Variants in PPP2R1B observed in about 807,000 individuals in gnomAD.
PPP2R1B encodes serine/threonine-protein phosphatase 2A 65 kDa regulatory subunit A beta isoform.
PPP2R1B carries 58 observed loss-of-function variants against 72.7 expected under a neutral mutation model. The ratio of observed to expected loss-of-function variants is 0.80; its 90% confidence interval spans 0.65 to 0.99. PPP2R1B has a LOEUF of 0.99. Among genes scored for constraint, PPP2R1B ranks in the 50% least tolerant of loss-of-function variants. The probability of loss-of-function intolerance (pLI) is 0.00; values close to 1 mark genes in which losing one functional copy is unlikely to be tolerated. For missense variants in PPP2R1B, 695 were observed against 733.6 expected, an observed-to-expected ratio of 0.95 and a Z score of 0.61; for synonymous variants, 256 against 264.6, an observed-to-expected ratio of 0.97 and a Z score of 0.32.
the PPP2R1B span, among the ~76,000 whole-genome samples, chr11:111,712,035 G>A: frequency 1.3e-5 from 2 of 152,226 alleles, no homozygotes; most frequent in Non-Finnish European, 2.9e-5. Context: ...TGCTGAGTCT[G>A]CTTCAGATCA....
At chr11:111,720,057 C>T in the PPP2R1B span, 1 of 1,532,980 alleles carries the variant, frequency 6.5e-7, no homozygotes, top group Non-Finnish European at 8.9e-7. Context: ...TGTCATACTC[C>T]AATTGCCAAC....
the PPP2R1B span, among the ~76,000 whole-genome samples, chr11:111,696,981 A>C: frequency 2.0e-5 from 3 of 152,224 alleles, no homozygotes; most frequent in Admixed American, 1.3e-4. Flanking sequence ...TGAAGAAATT[A>C]AAAGGCTCTT....
At chr11:111,725,959 G>GGAA (rs1277596832), downstream of PPP2R1B, 1 of 152,188 alleles carries the variant, frequency 6.6e-6, no homozygotes, top group East Asian at 1.9e-4. Flanking sequence ...TGAAAATCCA[G>GGAA]GAAGAATGAA....
At chr11:111,743,923 G>A (rs915283659) in intron 11 of PPP2R1B, among the ~76,000 whole-genome samples, 1 of 152,240 alleles carries the variant, frequency 6.6e-6, no homozygotes, top group Admixed American at 6.5e-5. Context: ...AGTAAAGGCT[G>A]TGAGGGTTGT....
intron 15 of PPP2R1B, chr11:111,730,129 G>C (rs891866795): frequency 1.3e-5 from 2 of 152,234 alleles, no homozygotes; most frequent in African/African-American, 4.8e-5. Context: ...AGTAATAACA[G>C]ACTTTGACTT....
the PPP2R1B span, among the ~76,000 whole-genome samples, chr11:111,706,095 G>A: frequency 2.1e-3 from 321 of 152,288 alleles, 1 homozygote; most frequent in African/African-American, 7.5e-3. Flanking sequence ...GTTTCTTAAG[G>A]TCTTTTTGTG....
At chr11:111,732,140 T>C (rs1944212513) in intron 15 of PPP2R1B, among the ~76,000 whole-genome samples, 1 of 152,190 alleles carries the variant, frequency 6.6e-6, no homozygotes, top group South Asian at 2.1e-4. Context: ...AAGTTCTCCA[T>C]CAAGACGCAG....
At chr11:111,753,990 C>A (rs543787946) in intron 8 of PPP2R1B, among the ~76,000 whole-genome samples, 3 of 152,026 alleles carry the variant, frequency 2.0e-5, no homozygotes, top group African/African-American at 7.2e-5. Flanking sequence ...GATCATAGCT[C>A]ACTGCCATCT....
At chr11:111,709,604 C>T in the PPP2R1B span, among the ~76,000 whole-genome samples, 1 of 152,192 alleles carries the variant, frequency 6.6e-6, no homozygotes, top group Non-Finnish European at 1.5e-5. Context: ...ATAATATCTG[C>T]TTCCTTGGGA....
At chr11:111,711,372 C>T in the PPP2R1B span, among the ~76,000 whole-genome samples, 20 of 152,264 alleles carry the variant, frequency 1.3e-4, no homozygotes, top group South Asian at 4.1e-4. Flanking sequence ...CCGCCTGCCT[C>T]GGCCTCCCAA....
At chr11:111,731,107 C>T (rs898922959) in intron 15 of PPP2R1B, among the ~76,000 whole-genome samples, 3 of 152,276 alleles carry the variant, frequency 2.0e-5, no homozygotes, top group Non-Finnish European at 4.4e-5. Context: ...GCAGCCTGCA[C>T]AAGGACAGGG....
Position 111,741,558 on chromosome 11 carries a change from CAAG to C in PPP2R1B, c.*35_*37del. 6.2e-7 allele frequency: 1 copy of C among 1,606,952 alleles called. No homozygotes were observed. The highest frequency in any genetic ancestry group is 8.5e-7 in the Non-Finnish European group (1 of 1,178,268). ...GAACACATTGACTAGAAATTTGTGACAAGAATCTAGTAAAGGCCTTTTCCCTCC... is the reference window on the plus strand; with the variant it reads ...GAACACATTGACTAGAAATTTGTGACAATCTAGTAAAGGCCTTTTCCCTCC... On this transcript the variant is annotated 3_prime_UTR_variant, in exon 15 of 15. Coordinates refer to ENST00000527614, the MANE Select transcript of PPP2R1B (RefSeq NM_002716.5).
chr11:111,708,428 A>C, the PPP2R1B span, among the ~76,000 whole-genome samples: 4 of 152,294 alleles, frequency 2.6e-5, no homozygotes, highest in Middle Eastern at 6.8e-3. Context: ...CATTATTATT[A>C]TTTAGACAAC....
At chr11:111,718,394 T>A in the PPP2R1B span, among the ~76,000 whole-genome samples, 1 of 152,212 alleles carries the variant, frequency 6.6e-6, no homozygotes, top group Non-Finnish European at 1.5e-5. Context: ...TGGCCAGGTT[T>A]CAGAGTTTTG....
the PPP2R1B span, among the ~76,000 whole-genome samples, chr11:111,709,244 C>G: frequency 1.3e-5 from 2 of 152,190 alleles, no homozygotes; most frequent in South Asian, 4.1e-4. Flanking sequence ...TCTCTGGTGT[C>G]TCTCCCTCCT....
the PPP2R1B span, among the ~76,000 whole-genome samples, chr11:111,717,686 T>C: frequency 1.3e-5 from 2 of 152,288 alleles, no homozygotes; most frequent in Admixed American, 6.5e-5. Flanking sequence ...AGACATGGAA[T>C]CAACCCAAAT....
At chr11:111,688,146 G>A in the PPP2R1B span, 5 of 1,614,040 alleles carry the variant, frequency 3.1e-6, no homozygotes, top group Non-Finnish European at 4.2e-6. This position sits in a 1 kb window ranked among gnomAD's most constrained non-coding sequence, Gnocchi z 4.2. Context: ...ATAACAACAT[G>A]AATATCAAAA....
chr11:111,720,927 G>C, the PPP2R1B span: 1 of 1,613,944 alleles, frequency 6.2e-7, no homozygotes, highest in Non-Finnish European at 8.5e-7. Context: ...AACATCTTCA[G>C]AATCTGGCTA....
chr11:111,703,429 G>C, the PPP2R1B span: 2 of 1,612,950 alleles, frequency 1.2e-6, no homozygotes, highest in Admixed American at 3.3e-5. Flanking sequence ...TTGAGGTAAA[G>C]TGATCAGAGA....
Sources: allele counts gnomAD v4.1 joint callset (sites outside exome capture counted in the v4.1 genomes callset), GRCh38; gene constraint gnomAD v4.1.1; non-coding constraint Gnocchi (gnomAD v3.1); transcripts MANE v1.5; gene names NCBI Gene and HGNC (gene_info 2026-07-23, HGNC 2026-07-21).